Variants in COL9A1 observed in about 807,000 individuals in gnomAD.
COL9A1 encodes the protein collagen type IX alpha 1 chain.
A neutral mutation model predicts 142.6 loss-of-function variants in COL9A1; 104 were observed. That is an observed-to-expected ratio of 0.73 (90% CI 0.62 to 0.86). COL9A1 has a LOEUF of 0.86. Among genes scored for constraint, COL9A1 ranks in the 40% least tolerant of loss-of-function variants. COL9A1 has a pLI of 0.00. For synonymous variants in COL9A1, 466 were observed against 396.0 expected (o/e 1.18, Z -2.10); for missense variants, 1,210 against 1,176.6 (o/e 1.03, Z -0.42).
At chr6:70,296,835 T>G (rs1378970809) in intron 4 of COL9A1, among the ~76,000 whole-genome samples, 1 of 152,130 alleles carries the variant, frequency 6.6e-6, no homozygotes, top group Non-Finnish European at 1.5e-5. Context: ...CTTAAATAAT[T>G]TATTTTATTT....
At chr6:70,274,325 A>G (rs1772607382) in intron 11 of COL9A1, among the ~76,000 whole-genome samples, 1 of 152,048 alleles carries the variant, frequency 6.6e-6, no homozygotes, top group Admixed American at 6.6e-5. Flanking sequence ...TAAGCCTGGC[A>G]TCCACTAGCT....
intron 36 of COL9A1, among the ~76,000 whole-genome samples, chr6:70,229,263 T>A (rs936289564): frequency 6.6e-6 from 1 of 152,170 alleles, no homozygotes; most frequent in Non-Finnish European, 1.5e-5. Context: ...ATCTATTACT[T>A]CAAACCCTGA....
chr6:70,255,277 G>C, intron 22 of COL9A1, 60 bp downstream of exon 22: 1 of 1,608,586 alleles, frequency 6.2e-7, no homozygotes, highest in Non-Finnish European at 8.5e-7. Flanking sequence ...AAAGAGATCA[G>C]CATAATCAGC....
Position 70,217,084 on chromosome 6 carries a change from G to A in COL9A1, c.2582-3C>T, listed in dbSNP as rs760704462. The A allele has an allele frequency of 5.6e-6, 9 of 1,613,902 alleles. No homozygotes were observed. Among genetic ancestry groups the A allele is most frequent in the Admixed American group, 3.3e-5 (2 of 60,030 alleles). ...ATAGCTGGCAGGGCCTGGGTCACCT[G>A]AAACACACAGAAGATTGCACATGTG... On this transcript the variant is annotated splice_region_variant and splice_polypyrimidine_tract_variant and intron_variant, in intron 37 of 37. Transcript: ENST00000357250.
chr6:70,291,124 C>T (rs1365300873), intron 5 of COL9A1, among the ~76,000 whole-genome samples: 2 of 152,010 alleles, frequency 1.3e-5, no homozygotes, highest in Admixed American at 6.6e-5. Flanking sequence ...AGAAAATAGG[C>T]CATAAAATTA....
chr6:70,224,879 T>A (rs963382576), intron 37 of COL9A1, among the ~76,000 whole-genome samples: 6 of 152,044 alleles, frequency 3.9e-5, no homozygotes. Flanking sequence ...GTTTGAGTTA[T>A]CTCCAAACAT....
At chr6:70,239,644 T>G (rs922391405) in intron 32 of COL9A1, among the ~76,000 whole-genome samples, 1 of 152,200 alleles carries the variant, frequency 6.6e-6, no homozygotes, top group East Asian at 1.9e-4. Context: ...ACAAGAGACA[T>G]TTAGACCTGA....
At chr6:70,215,556 T>A (rs998010310), downstream of COL9A1, 1 of 152,192 alleles carries the variant, frequency 6.6e-6, no homozygotes, top group African/African-American at 2.4e-5. Flanking sequence ...GATAGTTAAG[T>A]AGATGTTAAT....
rs1055153910 is a variant in COL9A1 at position 70,239,269 on chromosome 6, A to T, written c.2097T>A (p.Pro699=). Residue 699 remains proline, a synonymous_variant, in exon 33 of 38, where the codon CCT becomes CCA. Transcript: ENST00000357250. ...ERGELGDIGL[P]GPKGSAGNPG... ...CCATACTTACAGATCCCTTTGGGCC[A>T]GGTAATCCTATATCTCCCTAAATCA... 11 of 1,560,842 alleles carry T rather than the reference A, an allele frequency of 7.0e-6. No homozygotes were observed. The highest frequency in any genetic ancestry group is 1.7e-5 in the Admixed American group (1 of 59,918).
rs374137239 is a variant in COL9A1 at position 70,242,246 on chromosome 6, C to T, written c.1927-211G>A. On this transcript the variant is annotated intron_variant, in intron 29 of 37. Coordinates refer to ENST00000357250, the MANE Select transcript of COL9A1 (RefSeq NM_001851.6). Reference sequence around the variant, plus strand: ...CCAGCCTTCACTCCACCCTAAGGTCCTCAGTTCCCCTTGCACTCCTTGGCA... The same window carrying T: ...CCAGCCTTCACTCCACCCTAAGGTCTTCAGTTCCCCTTGCACTCCTTGGCA... 1.0e-4 allele frequency: 64 copies of T among 621,646 alleles called. No homozygotes were observed. In the African/African-American group the frequency reaches 1.0e-3, roughly 10 times the overall value. The allele number at this position is 621,646 out of a possible 1,614,324, so 38.5% of individuals were successfully genotyped here.
At position 70,284,373 on chromosome 6, in the gene COL9A1, G is replaced by T. The variant is rs1773357612; in HGVS notation, c.697-553C>A. On this transcript the variant is annotated intron_variant, in intron 5 of 37. Coordinates refer to ENST00000357250, the MANE Select transcript of COL9A1 (RefSeq NM_001851.6). ...CTGGAGAAGATATTCTCCGTGGAGT[G>T]GTCACAGCTTAAAATGGAAATGTAA... Among the ~76,000 whole-genome samples the T allele has an allele frequency of 3.3e-5, 5 of 152,166 alleles. 1 individual carries two copies. The South Asian group carries it at 1.0e-3, about 32-fold the overall frequency.
chr6:70,223,910 G>T, intron 37 of COL9A1, among the ~76,000 whole-genome samples: 1 of 152,160 alleles, frequency 6.6e-6, no homozygotes, highest in East Asian at 1.9e-4. Context: ...TGGGAGGTGA[G>T]AAGGATGGGA....
At chr6:70,231,729 AC>A (rs1238217310) in intron 36 of COL9A1, among the ~76,000 whole-genome samples, 14 of 151,276 alleles carry the variant, frequency 9.3e-5, no homozygotes, top group Admixed American at 2.6e-4. Flanking sequence ...AAAAAAAAAA[AC>A]AACCCTCTCT....
intron 26 of COL9A1, among the ~76,000 whole-genome samples, chr6:70,252,764 G>A (rs577359312): frequency 8.7e-4 from 133 of 152,250 alleles, no homozygotes; most frequent in African/African-American, 3.1e-3. Context: ...GCAAGCTCTA[G>A]GGAAAGCACA....
chr6:70,240,804 T>C (rs1770208769), intron 31 of COL9A1, 71 bp from the exon 32 acceptor site: 3 of 1,184,436 alleles, frequency 2.5e-6, no homozygotes, highest in Admixed American at 1.7e-5. Context: ...CAGTAAACAT[T>C]GATAAGCATT....
At chr6:70,256,866 T>A (rs769248781) in intron 20 of COL9A1, 45 bp from the exon 21 acceptor site, 1 of 1,573,666 alleles carries the variant, frequency 6.4e-7, no homozygotes, top group Non-Finnish European at 8.7e-7. Context: ...ATCAGTCATG[T>A]ATGTTAAAGG....
In COL9A1 at chr6:70,264,063, G is replaced by T. The variant is rs12195966; in HGVS notation, c.1342-766C>A. 2.9e-3 allele frequency among the ~76,000 whole-genome samples: 443 copies of T among 151,778 alleles called. 1 individual carries two copies. The highest frequency in any genetic ancestry group is 1.0e-2 in the African/African-American group (413 of 41,480). Reference sequence around the variant, plus strand: ...CTTAACATATACTAAATTGTTACTGGCTCTAAACTTTGATTCTGCTCTACC... The same window carrying T: ...CTTAACATATACTAAATTGTTACTGTCTCTAAACTTTGATTCTGCTCTACC... On this transcript the variant is annotated intron_variant, in intron 18 of 37. Transcript: ENST00000357250.
rs1304589894 is a variant in COL9A1, at chr6:70,283,729, G to A, written c.780+8C>T. On this transcript the variant is annotated splice_region_variant and intron_variant, in intron 6 of 37. Transcript: ENST00000357250. Reference sequence around the variant, plus strand: ...GAAGTGGCCTTTGCAGGTAGTCAGGGGACTCACCGTTATTCTGGCTGGCAG... The same window carrying A: ...GAAGTGGCCTTTGCAGGTAGTCAGGAGACTCACCGTTATTCTGGCTGGCAG... The A allele has an allele frequency of 6.2e-7, 1 of 1,607,776 alleles. No homozygotes were observed. Among genetic ancestry groups the A allele is most frequent in the Non-Finnish European group, 8.5e-7 (1 of 1,176,474 alleles).
chr6:70,239,696 C>T (rs12194189), intron 32 of COL9A1, among the ~76,000 whole-genome samples: 22,382 of 152,014 alleles, frequency 0.15, 2,012 homozygotes, highest in Non-Finnish European at 0.21. Flanking sequence ...AAAAGTCATC[C>T]CCAAAAGTCT....
Sources: gnomAD v4.1 joint callset for allele counts (sites outside exome capture counted in the v4.1 genomes callset) on GRCh38, gnomAD v4.1.1 for gene constraint, MANE v1.5 for transcripts, NCBI Gene and HGNC (gene_info 2026-07-23, HGNC 2026-07-21) for gene names.